Variants in NRXN1 observed in about 807,000 individuals in gnomAD.
The protein encoded by NRXN1 is neurexin-1.
In NRXN1, 39 loss-of-function variants were observed where a neutral mutation model predicts 150.9. The observed-to-expected ratio is 0.26, with a 90% CI of 0.20 to 0.34. The LOEUF (loss-of-function observed/expected upper bound fraction) is 0.34. NRXN1 is among the 10% of genes least tolerant of loss of function. NRXN1 has a pLI of 1.00. For missense variants in NRXN1, 1,815 were observed against 1,949.9 expected, an observed-to-expected ratio of 0.93 and a Z score of 1.30; for synonymous variants, 924 against 757.0, an observed-to-expected ratio of 1.22 and a Z score of -3.62.
chr2:50,540,113 T>C (rs2093355897), intron 9 of NRXN1, among the ~76,000 whole-genome samples: 1 of 151,956 alleles, frequency 6.6e-6, no homozygotes, highest in African/African-American at 2.4e-5. Flanking sequence ...GGTGGCCGAG[T>C]CATTAAGAGG....
At chr2:50,221,918 T>G (rs906123537) in intron 18 of NRXN1, among the ~76,000 whole-genome samples, 3 of 152,004 alleles carry the variant, frequency 2.0e-5, no homozygotes, top group African/African-American at 7.2e-5. Flanking sequence ...CTGTTGCTAC[T>G]CTGTTTGTTA....
intron 5 of NRXN1, among the ~76,000 whole-genome samples, chr2:50,746,595 C>A (rs1011628812): frequency 7.0e-5 from 10 of 141,988 alleles, no homozygotes; most frequent in Non-Finnish European, 1.4e-4. Flanking sequence ...ACAACAACAA[C>A]AAAAATGTGG....
intron 8 of NRXN1, among the ~76,000 whole-genome samples, chr2:50,558,785 C>T (rs189899283): frequency 3.3e-5 from 5 of 152,250 alleles, no homozygotes; most frequent in East Asian, 1.9e-4. Context: ...GAAGGCCGAG[C>T]GCAGTGGCTC....
rs995451277 is a variant in NRXN1, at chr2:50,273,686, T to C, written c.3365-36716A>G. On this transcript the variant is annotated intron_variant, in intron 17 of 22. Transcript: ENST00000401669. ...TAGTCAAGTATAACCTTAATATTTA[T>C]ATACACAACCCAAAGTCCATGTTAA... Among the ~76,000 whole-genome samples, 12 of 152,272 alleles carry C rather than the reference T, an allele frequency of 7.9e-5. No individual in the cohort carries two copies. The South Asian group carries it at 2.1e-3, about 26-fold the overall frequency.
At chr2:50,253,368 T>G (rs1184974837) in intron 17 of NRXN1, among the ~76,000 whole-genome samples, 6 of 152,188 alleles carry the variant, frequency 3.9e-5, no homozygotes, top group Admixed American at 3.9e-4. Flanking sequence ...CAGAGACAGT[T>G]TAACTTCCTT....
At chr2:50,018,312 T>C (rs764802722) in intron 21 of NRXN1, among the ~76,000 whole-genome samples, 1 of 152,196 alleles carries the variant, frequency 6.6e-6, no homozygotes, top group Non-Finnish European at 1.5e-5. Flanking sequence ...TTCAGGGAAA[T>C]AGAAGATTTC....
intron 19 of NRXN1, among the ~76,000 whole-genome samples, chr2:50,057,453 T>G (rs77045560): frequency 0.013 from 2,027 of 152,292 alleles, 46 homozygotes; most frequent in African/African-American, 0.046. Flanking sequence ...TCAGGTTACA[T>G]TAGGACACTT....
chr2:51,017,097 C>T (rs892448042), intron 2 of NRXN1, among the ~76,000 whole-genome samples: 1 of 151,564 alleles, frequency 6.6e-6, no homozygotes, highest in African/African-American at 2.4e-5. Flanking sequence ...CACACTGGGG[C>T]CTGTCAGGGG....
chr2:49,945,022 G>A (rs1243037166), intron 21 of NRXN1: 1 of 152,056 alleles, frequency 6.6e-6, no homozygotes, highest in Non-Finnish European at 1.5e-5. Context: ...AAAGTATTAG[G>A]CTTAAAAATC....
intron 5 of NRXN1, among the ~76,000 whole-genome samples, chr2:50,713,583 G>A (rs1053763140): frequency 1.3e-5 from 2 of 152,012 alleles, no homozygotes; most frequent in Non-Finnish European, 2.9e-5. Flanking sequence ...ATCATCCTAC[G>A]CCTTTCAAAT....
intron 21 of NRXN1, among the ~76,000 whole-genome samples, chr2:50,014,050 T>C (rs956014554): frequency 3.3e-5 from 5 of 151,970 alleles, no homozygotes; most frequent in Non-Finnish European, 5.9e-5. Context: ...ATTAAAAGTA[T>C]AGCACTAGAG....
intron 5 of NRXN1, among the ~76,000 whole-genome samples, chr2:50,685,561 G>C (rs1214270115): frequency 6.6e-6 from 1 of 151,606 alleles, no homozygotes; most frequent in Admixed American, 6.6e-5. Context: ...TTTTTCTTTG[G>C]AATCTATAAT....
At chr2:50,527,029 T>A (rs1175389569) in intron 12 of NRXN1, among the ~76,000 whole-genome samples, 1 of 152,212 alleles carries the variant, frequency 6.6e-6, no homozygotes, top group Non-Finnish European at 1.5e-5. Context: ...CAGAATCACA[T>A]GTCATTTGAA....
At chr2:50,623,941 C>T (rs936867035) in intron 5 of NRXN1, among the ~76,000 whole-genome samples, 2 of 152,040 alleles carry the variant, frequency 1.3e-5, no homozygotes, top group African/African-American at 4.8e-5. Context: ...CCTCCCCCAA[C>T]CCCACAACAG....
chr2:50,342,798 A>C (rs974144856), intron 17 of NRXN1, among the ~76,000 whole-genome samples: 7 of 152,212 alleles, frequency 4.6e-5, no homozygotes, highest in African/African-American at 1.7e-4. Flanking sequence ...GAGCTCATAG[A>C]ATTGCTCTGG....
At chr2:50,664,346 T>C (rs1276753658) in intron 5 of NRXN1, among the ~76,000 whole-genome samples, 3 of 148,774 alleles carry the variant, frequency 2.0e-5, no homozygotes, top group South Asian at 2.2e-4. Flanking sequence ...AAAATATTTA[T>C]CCCAAATCTC....
chr2:50,930,831 T>C (rs1657984656), intron 2 of NRXN1, among the ~76,000 whole-genome samples: 1 of 152,146 alleles, frequency 6.6e-6, no homozygotes, highest in Non-Finnish European at 1.5e-5. Flanking sequence ...GCTTATCACA[T>C]ACCCTCCCAA....
chr2:50,268,212 A>T (rs2152920443), intron 17 of NRXN1, among the ~76,000 whole-genome samples: 1 of 152,264 alleles, frequency 6.6e-6, no homozygotes, highest in East Asian at 1.9e-4. Context: ...AAAATAAAAT[A>T]AAATTCTGTG....
intron 5 of NRXN1, among the ~76,000 whole-genome samples, chr2:50,757,686 CA>C (rs1701312431): frequency 1.3e-5 from 2 of 151,688 alleles, no homozygotes; most frequent in South Asian, 4.1e-4. Context: ...ATTATCTTAT[CA>C]CTAGAATGGT....
Sources: allele counts gnomAD v4.1 joint callset (sites outside exome capture counted in the v4.1 genomes callset), GRCh38; gene constraint gnomAD v4.1.1; transcripts MANE v1.5; gene names NCBI Gene and HGNC (gene_info 2026-07-23, HGNC 2026-07-21).